DCC: variants seen among roughly 807,000 people sequenced by gnomAD.
DCC encodes the protein netrin receptor DCC.
Under a neutral mutation model 172.5 loss-of-function variants are expected in DCC, and 58 were observed. That is an observed-to-expected ratio of 0.34 (90% confidence interval 0.27 to 0.42). The LOEUF is 0.42. Ranked by LOEUF, DCC falls within the 10% of genes least tolerant of loss-of-function variation. The probability of loss-of-function intolerance (pLI) is 1.00; values close to 1 mark genes in which losing one functional copy is unlikely to be tolerated. For missense variants in DCC, 1,740 were observed against 1,791.0 expected (o/e 0.97, Z 0.51); for synonymous variants, 709 against 644.5 (o/e 1.10, Z -1.52).
intron 1 of DCC, chr18:52,409,359 T>C (rs1986765779): frequency 6.6e-6 from 1 of 152,180 alleles, no homozygotes; most frequent in Non-Finnish European, 1.5e-5. Context: ...ATAACTTGTG[T>C]GTATCTAAAC....
At chr18:52,764,220 T>C (rs1233140831) in intron 2 of DCC, among the ~76,000 whole-genome samples, 2 of 152,242 alleles carry the variant, frequency 1.3e-5, no homozygotes, top group African/African-American at 2.4e-5. Context: ...AACTTGTAAA[T>C]ATCATTGAAG....
intron 1 of DCC, among the ~76,000 whole-genome samples, chr18:52,646,245 G>A (rs187084366): frequency 2.0e-3 from 312 of 152,274 alleles, no homozygotes; most frequent in African/African-American, 7.1e-3. Context: ...CCCCTTTGAA[G>A]TTTTCAAGAA....
At chr18:52,410,807 G>C (rs1177218715) in intron 1 of DCC, among the ~76,000 whole-genome samples, 1 of 152,008 alleles carries the variant, frequency 6.6e-6, no homozygotes, top group Non-Finnish European at 1.5e-5. Context: ...GAAGCATATG[G>C]GTAAGATTAA....
At chr18:52,788,704 G>T (rs940720091) in intron 2 of DCC, among the ~76,000 whole-genome samples, 1 of 152,116 alleles carries the variant, frequency 6.6e-6, no homozygotes, top group Non-Finnish European at 1.5e-5. Context: ...GTTTCTTATT[G>T]GGATTATTGG....
chr18:52,888,317 A>T (rs546964615), intron 2 of DCC, among the ~76,000 whole-genome samples: 1 of 152,200 alleles, frequency 6.6e-6, no homozygotes, highest in Admixed American at 6.5e-5. Context: ...AGGACAAAAC[A>T]GTATGTGGTC....
chr18:52,763,822 A>C (rs143808852), intron 2 of DCC, among the ~76,000 whole-genome samples: 1,688 of 152,210 alleles, frequency 0.011, 27 homozygotes, highest in African/African-American at 0.039. Context: ...AGATTATCTG[A>C]TTATCCTGTG....
chr18:52,488,686 G>T (rs546853919), intron 1 of DCC, among the ~76,000 whole-genome samples: 1 of 152,154 alleles, frequency 6.6e-6, no homozygotes, highest in African/African-American at 2.4e-5. Context: ...TAGACACCAA[G>T]ACTTGATTAT....
At chr18:53,071,800 T>C (rs2042654785) in intron 7 of DCC, among the ~76,000 whole-genome samples, 1 of 152,144 alleles carries the variant, frequency 6.6e-6, no homozygotes, top group South Asian at 2.1e-4. Flanking sequence ...AAGTATACTA[T>C]TCAGTGAATA....
rs1407526459 is a variant in DCC at position 53,530,199 on chromosome 18, T to C, written c.4255-365T>C. 1.3e-5 allele frequency: 8 copies of C among 638,886 alleles called. No individual in the cohort carries two copies. In the African/African-American group the frequency reaches 1.4e-4, roughly 12 times the overall value. 39.6% of individuals were successfully genotyped at this position (638,886 alleles called of 1,614,324 possible). A position where few individuals can be genotyped will look rare whatever the true frequency, so the allele number is the denominator to read the frequency against. On this transcript the variant is annotated intron_variant, in intron 28 of 28. Transcript: ENST00000442544. Reference sequence around the variant, plus strand: ...GTTACAGGAGGCTCAGAATAGCCTATGAAATAGATGTCATTATCATTTTAT... The same window carrying C: ...GTTACAGGAGGCTCAGAATAGCCTACGAAATAGATGTCATTATCATTTTAT...
At chr18:52,413,560 A>T (rs1351977766) in intron 1 of DCC, among the ~76,000 whole-genome samples, 1 of 150,756 alleles carries the variant, frequency 6.6e-6, no homozygotes, top group Non-Finnish European at 1.5e-5. Context: ...TTGAATATAG[A>T]GCAATTATTT....
intron 9 of DCC, among the ~76,000 whole-genome samples, chr18:53,189,170 T>G (rs1278263099): frequency 1.3e-5 from 2 of 152,150 alleles, no homozygotes; most frequent in Admixed American, 6.5e-5. Flanking sequence ...TTTATGTGCA[T>G]GTATATATAT....
intron 1 of DCC, among the ~76,000 whole-genome samples, chr18:52,723,524 C>G (rs1390834061): frequency 2.0e-5 from 3 of 152,112 alleles, no homozygotes; most frequent in African/African-American, 7.2e-5. Context: ...TCCCTCAGAC[C>G]TAATTACCAT....
chr18:52,762,353 AGT>A (rs2037175230), intron 2 of DCC, among the ~76,000 whole-genome samples: 1 of 152,134 alleles, frequency 6.6e-6, no homozygotes, highest in Non-Finnish European at 1.5e-5. Flanking sequence ...GCATGCCTGT[AGT>A]CCCAGCTACT....
chr18:52,807,847 G>A (rs1242189624), intron 2 of DCC, among the ~76,000 whole-genome samples: 1 of 152,128 alleles, frequency 6.6e-6, no homozygotes, highest in Non-Finnish European at 1.5e-5. Flanking sequence ...TTATTATGAG[G>A]GAGGGATCAT....
intron 19 of DCC, among the ~76,000 whole-genome samples, chr18:53,404,497 C>T (rs1355947704): frequency 1.3e-5 from 2 of 151,792 alleles, no homozygotes; most frequent in Non-Finnish European, 2.9e-5. Flanking sequence ...TTTGGGAGGC[C>T]GAGGCAGGCA....
intron 13 of DCC, among the ~76,000 whole-genome samples, chr18:53,309,728 T>C (rs1267188775): frequency 6.6e-6 from 1 of 152,036 alleles, no homozygotes; most frequent in East Asian, 1.9e-4. Context: ...TAATTAGTTA[T>C]TAGGAACAGC....
At chr18:52,781,315 G>C (rs1315464437) in intron 2 of DCC, among the ~76,000 whole-genome samples, 1 of 152,100 alleles carries the variant, frequency 6.6e-6, no homozygotes, top group Non-Finnish European at 1.5e-5. Flanking sequence ...AGATCAGAGT[G>C]ACTTTCTTCC....
chr18:53,354,972 C>T (rs1426007276), intron 15 of DCC, among the ~76,000 whole-genome samples: 3 of 151,910 alleles, frequency 2.0e-5, no homozygotes, highest in South Asian at 4.2e-4. Context: ...GGAAGGGATC[C>T]GGTTTCAGCT....
intron 21 of DCC, among the ~76,000 whole-genome samples, chr18:53,421,531 G>A (rs564829372): frequency 3.9e-5 from 6 of 152,134 alleles, no homozygotes; most frequent in South Asian, 2.1e-4. Context: ...TAAACTGCCC[G>A]CCCAACAAGG....
Sources: allele counts gnomAD v4.1 joint callset (sites outside exome capture counted in the v4.1 genomes callset), GRCh38; gene constraint gnomAD v4.1.1; transcripts MANE v1.5; gene names NCBI Gene and HGNC (gene_info 2026-07-23, HGNC 2026-07-21).